Variants in CNKSR3 observed in about 807,000 individuals in gnomAD.
The protein encoded by CNKSR3 is connector enhancer of kinase suppressor of ras 3.
In CNKSR3, 36 loss-of-function variants were observed where a neutral mutation model predicts 67.7. The ratio of observed to expected loss-of-function variants is 0.53; its 90% confidence interval spans 0.41 to 0.70. CNKSR3 has a LOEUF of 0.70. Ranked by LOEUF, CNKSR3 falls within the 30% of genes least tolerant of loss-of-function variation. The pLI, the probability that CNKSR3 is intolerant of heterozygous loss-of-function variation, is 0.00. For missense variants in CNKSR3, 630 were observed against 695.2 expected, an observed-to-expected ratio of 0.91 and a Z score of 1.05; for synonymous variants, 281 against 271.4, an observed-to-expected ratio of 1.04 and a Z score of -0.35.
At chr6:154,430,361 A>G in intron 6 of CNKSR3, 111 bp downstream of exon 6, 1 of 974,862 alleles carries the variant, frequency 1.0e-6, no homozygotes, top group Non-Finnish European at 1.5e-6. Context: ...GGCAGTCTAA[A>G]TTAATTCTGC....
chr6:154,398,800 G>A lies in CNKSR3; in HGVS notation c.*7554C>T, dbSNP rs1784686861. 6.6e-6 allele frequency: 1 copy of A among 152,214 alleles called. No individual in the cohort carries two copies. Among genetic ancestry groups the A allele is most frequent in the South Asian group, 2.1e-4 (1 of 4,830 alleles). The allele number at this position is 152,214 out of a possible 1,614,324, so 9.4% of individuals were successfully genotyped here. On this transcript the variant is annotated 3_prime_UTR_variant, in exon 13 of 13. Coordinates refer to ENST00000607772, the MANE Select transcript of CNKSR3 (RefSeq NM_173515.4). ...AAGTCAATATTGAAAGAATACTCTA[G>A]GCGGGGCGCAGTGGCTCACGCCTGT...
intron 1 of CNKSR3, among the ~76,000 whole-genome samples, chr6:154,451,507 A>ACACG (rs1285970652): frequency 1.4e-4 from 2 of 14,660 alleles, no homozygotes; most frequent in Admixed American, 1.8e-3. Flanking sequence ...ATACATGCAC[A>ACACG]CACACGCGCA....
rs1784697642 is a variant in CNKSR3 at position 154,399,830 on chromosome 6, G to C, written c.*6524C>G. On this transcript the variant is annotated 3_prime_UTR_variant, in exon 13 of 13. Coordinates refer to ENST00000607772, the MANE Select transcript of CNKSR3 (RefSeq NM_173515.4). ...GTTCAGCCCAAGATATGTCAAAATGGTGAAGAAATATCTTAAAATCCAGTT... is the reference window on the plus strand; with the variant it reads ...GTTCAGCCCAAGATATGTCAAAATGCTGAAGAAATATCTTAAAATCCAGTT... 1 of 151,986 alleles carries C rather than the reference G, an allele frequency of 6.6e-6. No individual in the cohort carries two copies. Among genetic ancestry groups the C allele is most frequent in the African/African-American group, 2.4e-5 (1 of 41,374 alleles). 9.4% of individuals were successfully genotyped at this position (151,986 alleles called of 1,614,324 possible). A position where few individuals can be genotyped will look rare whatever the true frequency, so the allele number is the denominator to read the frequency against.
intron 9 of CNKSR3, among the ~76,000 whole-genome samples, chr6:154,418,066 A>G (rs1012778806): frequency 6.6e-6 from 1 of 152,092 alleles, no homozygotes; most frequent in Non-Finnish European, 1.5e-5. Context: ...GAGTCTCACT[A>G]CCGCCACTAC....
intron 1 of CNKSR3, among the ~76,000 whole-genome samples, chr6:154,465,104 GCACTCCA>G: frequency 7.5e-6 from 1 of 133,932 alleles, no homozygotes; most frequent in African/African-American, 2.9e-5. Context: ...TCGTGCCATT[GCACTCCA>G]GCCTGGGCAA....
intron 4 of CNKSR3, among the ~76,000 whole-genome samples, chr6:154,440,411 T>C (rs566373259): frequency 5.3e-5 from 8 of 152,338 alleles, no homozygotes; most frequent in East Asian, 1.9e-4. Flanking sequence ...TTACATTTCA[T>C]AGCCTCAATT....
At chr6:154,457,615 A>G (rs933597775) in intron 1 of CNKSR3, among the ~76,000 whole-genome samples, 1 of 152,124 alleles carries the variant, frequency 6.6e-6, no homozygotes, top group East Asian at 1.9e-4. Context: ...CGTTCTCTGC[A>G]TTCTGTTCTG....
intron 1 of CNKSR3, among the ~76,000 whole-genome samples, chr6:154,488,427 T>C (rs538351016): frequency 5.3e-5 from 8 of 152,348 alleles, no homozygotes; most frequent in African/African-American, 1.7e-4. Flanking sequence ...GTTCCTTTTC[T>C]CCTTAATTCA....
chr6:154,509,990 C>G, intron 1 of CNKSR3, 73 bp downstream of exon 1: 3 of 1,543,206 alleles, frequency 1.9e-6, no homozygotes, highest in Non-Finnish European at 2.7e-6. Flanking sequence ...GGGCCAAGTA[C>G]CCTCTTCCCC....
At chr6:154,491,924 C>A (rs908000201) in intron 1 of CNKSR3, among the ~76,000 whole-genome samples, 2 of 152,168 alleles carry the variant, frequency 1.3e-5, no homozygotes, top group African/African-American at 4.8e-5. Flanking sequence ...CCTGAGAATA[C>A]AAAGAGCTGT....
At chr6:154,465,963 C>T (rs955250401) in intron 1 of CNKSR3, among the ~76,000 whole-genome samples, 2 of 152,192 alleles carry the variant, frequency 1.3e-5, no homozygotes, top group African/African-American at 4.8e-5. Flanking sequence ...TCTCTAGAAA[C>T]TGGCCCTCCA....
chr6:154,410,290 G>A (rs1400859157), intron 12 of CNKSR3, 53 bp downstream of exon 12: 17 of 1,295,430 alleles, frequency 1.3e-5, no homozygotes, highest in Non-Finnish European at 1.8e-5. Flanking sequence ...ACCAGGCCCT[G>A]GGGCTGTTCA....
intron 1 of CNKSR3, among the ~76,000 whole-genome samples, chr6:154,452,631 TA>T (rs1785862327): frequency 6.6e-6 from 1 of 152,236 alleles, no homozygotes; most frequent in Admixed American, 6.5e-5. Flanking sequence ...TCAAGCCTGT[TA>T]TGGCTAAACT....
chr6:154,414,710 G>T, intron 9 of CNKSR3: 1 of 557,938 alleles, frequency 1.8e-6, no homozygotes. Context: ...AAACATCTGT[G>T]GCCTCCCTTT....
intron 1 of CNKSR3, among the ~76,000 whole-genome samples, chr6:154,485,408 G>A (rs1040569862): frequency 6.6e-6 from 1 of 152,162 alleles, no homozygotes; most frequent in Non-Finnish European, 1.5e-5. Context: ...ACTTACTAAA[G>A]CTCTGTTCCA....
At chr6:154,486,445 G>C (rs1246573672) in intron 1 of CNKSR3, among the ~76,000 whole-genome samples, 53 of 147,500 alleles carry the variant, frequency 3.6e-4, no homozygotes, top group African/African-American at 1.2e-3. Context: ...TACAGGCACG[G>C]GCCACCACGC....
chr6:154,472,023 A>G lies in CNKSR3; in HGVS notation c.53-21765T>C, dbSNP rs572510836. Among the ~76,000 whole-genome samples, 15 of 152,330 alleles carry G rather than the reference A, an allele frequency of 9.8e-5. No individual in the cohort carries two copies. The South Asian group carries it at 1.7e-3, about 17-fold the overall frequency. On this transcript the variant is annotated intron_variant, in intron 1 of 12. Coordinates refer to ENST00000607772, the MANE Select transcript of CNKSR3 (RefSeq NM_173515.4). ...GCAAGCACCTGGCTTTTCAAGTTTC[A>G]ACAAAAACAACTTTCAGAGCAAATA...
chr6:154,486,398 T>C (rs1317220440), intron 1 of CNKSR3, among the ~76,000 whole-genome samples: 1 of 151,636 alleles, frequency 6.6e-6, no homozygotes, highest in African/African-American at 2.4e-5. Flanking sequence ...TGGCTTCCAG[T>C]GATTTCTCCT....
At chr6:154,406,770 C>G in intron 12 of CNKSR3, 118 bp from the exon 13 acceptor site, 1 of 817,108 alleles carries the variant, frequency 1.2e-6, no homozygotes, top group Non-Finnish European at 1.9e-6. Flanking sequence ...GAGATCTAGA[C>G]CATCCTGGCC....
Sources: allele counts gnomAD v4.1 joint callset (sites outside exome capture counted in the v4.1 genomes callset), GRCh38; gene constraint gnomAD v4.1.1; transcripts MANE v1.5; gene names NCBI Gene and HGNC (gene_info 2026-07-23, HGNC 2026-07-21).